Variants in EDA observed in about 807,000 individuals in gnomAD.
EDA encodes the protein ectodysplasin A.
EDA carries 2 observed loss-of-function variants against 23.6 expected under a neutral mutation model. The ratio of observed to expected loss-of-function variants is 0.08; its 90% CI spans 0.03 to 0.27. EDA has a LOEUF of 0.27. Ranked by LOEUF, EDA falls within the 10% of genes least tolerant of loss-of-function variation. The probability of loss-of-function intolerance (pLI) is 1.00; values close to 1 mark genes in which losing one functional copy is unlikely to be tolerated. For missense variants in EDA, 229 were observed against 324.2 expected (o/e 0.71, Z 2.26); for synonymous variants, 131 against 132.0 (o/e 0.99, Z 0.05).
Position 69,996,782 on chromosome X carries a change from G to A in EDA, c.503-26436G>A, listed in dbSNP as rs368897865. Among the ~76,000 whole-genome samples the A allele has an allele frequency of 5.8e-4, 65 of 111,699 alleles. No homozygotes were observed. The South Asian group carries it at 0.023, about 39-fold the overall frequency. The stretch of plus-strand genomic sequence containing the variant: ...TCCCACATGTGAGTGGGAGATAACT[G>A]AATCATGGGAGCAGTTTCCCCCATA... On this transcript the variant is annotated intron_variant, in intron 2 of 7. Transcript: ENST00000374552.
chrX:69,780,081 T>C (rs1264174846), intron 1 of EDA, among the ~76,000 whole-genome samples: 1 of 109,714 alleles, frequency 9.1e-6, no homozygotes, highest in Non-Finnish European at 1.9e-5. Context: ...GTTGTATATG[T>C]ATATGTATAC....
intron 1 of EDA, among the ~76,000 whole-genome samples, chrX:69,617,531 C>A (rs1163270054): frequency 1.8e-5 from 2 of 110,775 alleles, no homozygotes; most frequent in South Asian, 3.9e-4. Flanking sequence ...TTTTTGCAAT[C>A]TTTATGGTGT....
intron 1 of EDA, among the ~76,000 whole-genome samples, chrX:69,874,402 A>G (rs1272273068): frequency 8.9e-6 from 1 of 112,442 alleles, no homozygotes; most frequent in Admixed American, 9.4e-5. Flanking sequence ...TCACACGATC[A>G]TCTCAATAGA....
At chrX:69,654,217 C>G (rs1251645914) in intron 1 of EDA, among the ~76,000 whole-genome samples, 9 of 111,920 alleles carry the variant, frequency 8.0e-5, no homozygotes, top group African/African-American at 2.9e-4. Flanking sequence ...CACTGGCCAT[C>G]AGAGAAATGC....
intron 1 of EDA, among the ~76,000 whole-genome samples, chrX:69,715,095 CTTTTA>C (rs2012271963): frequency 4.4e-5 from 3 of 68,132 alleles, no homozygotes; most frequent in African/African-American, 1.6e-4. Context: ...CTTTTTGTAA[CTTTTA>C]TTTTAGGTTC....
intron 1 of EDA, among the ~76,000 whole-genome samples, chrX:69,664,732 TTTAAG>T (rs1208770522): frequency 3.6e-5 from 4 of 111,614 alleles, no homozygotes; most frequent in African/African-American, 6.5e-5. Context: ...TTGATGAACA[TTTAAG>T]TTGTTTCCAT....
chrX:69,735,830 A>T (rs1263120248), intron 1 of EDA, among the ~76,000 whole-genome samples: 1 of 111,499 alleles, frequency 9.0e-6, no homozygotes, highest in African/African-American at 3.3e-5. Context: ...AAGCTGCTGG[A>T]AAAAACAGAA....
chrX:69,720,025 G>A (rs758393868), intron 1 of EDA, among the ~76,000 whole-genome samples: 47 of 111,247 alleles, frequency 4.2e-4, no homozygotes, highest in Non-Finnish European at 7.9e-4. Context: ...AGGGATTACA[G>A]GTGTGAGCCA....
At chrX:69,730,081 C>T (rs2012964044) in intron 1 of EDA, among the ~76,000 whole-genome samples, 2 of 111,201 alleles carry the variant, frequency 1.8e-5, no homozygotes, top group Admixed American at 1.9e-4. Flanking sequence ...CCAGGCCAGT[C>T]TCGAGCTCCT....
intron 1 of EDA, among the ~76,000 whole-genome samples, chrX:69,758,638 A>G (rs2014200358): frequency 8.9e-6 from 1 of 112,165 alleles, no homozygotes; most frequent in Non-Finnish European, 1.9e-5. Flanking sequence ...GTTCAAGACC[A>G]GTCTGGCCAA....
In EDA at chrX:69,760,197, CAAA is replaced by C. The variant is rs1162014486; in HGVS notation, c.396+143513_396+143515del. Among the ~76,000 whole-genome samples, 13 of 46,548 alleles carry C rather than the reference CAAA, an allele frequency of 2.8e-4. No individual in the cohort carries two copies. The East Asian group carries it at 3.1e-3, about 11-fold the overall frequency. 40.4% of individuals were successfully genotyped at this position (46,548 alleles called of 115,157 possible). On this transcript the variant is annotated intron_variant, in intron 1 of 7. Coordinates refer to ENST00000374552, the MANE Select transcript of EDA (RefSeq NM_001399.5). ...GGGGTTTTATAAAAGCTCTTTTGTA[CAAA>C]AAAAAAAAAAAAAAAAAAAGCAAAG... is the stretch of plus-strand genomic sequence containing the variant.
rs1018857291 is a variant in EDA at position 69,978,547 on chromosome X, C to T, written c.502+21415C>T. ...AAAGAAAGAAAAAAAGCAGCTTTCTCGAGATATAATTCACATATCATACAC... is the reference window on the plus strand; with the variant it reads ...AAAGAAAGAAAAAAAGCAGCTTTCTTGAGATATAATTCACATATCATACAC... On this transcript the variant is annotated intron_variant, in intron 2 of 7. Coordinates refer to ENST00000374552, the MANE Select transcript of EDA (RefSeq NM_001399.5). Among the ~76,000 whole-genome samples the T allele has an allele frequency of 5.6e-5, 6 of 107,379 alleles. No homozygotes were observed. The South Asian group carries it at 1.6e-3, about 29-fold the overall frequency. 93.2% of individuals were successfully genotyped at this position (107,379 alleles called of 115,157 possible).
chrX:69,709,697 G>A (rs902879614), intron 1 of EDA, among the ~76,000 whole-genome samples: 11 of 111,420 alleles, frequency 9.9e-5, no homozygotes, highest in Admixed American at 1.9e-4. Context: ...TAAAGAGGGG[G>A]CATCTCAGGC....
intron 1 of EDA, among the ~76,000 whole-genome samples, chrX:69,686,626 A>T (rs1046631829): frequency 9.0e-6 from 1 of 111,160 alleles, no homozygotes; most frequent in African/African-American, 3.3e-5. Context: ...GGAATCATAT[A>T]TCTACTTTCT....
intron 1 of EDA, among the ~76,000 whole-genome samples, chrX:69,953,182 T>A (rs1328030884): frequency 8.9e-6 from 1 of 112,211 alleles, no homozygotes; most frequent in African/African-American, 3.2e-5. Flanking sequence ...GTCTTATTAG[T>A]TTTAACTAAA....
At chrX:69,973,605 T>A (rs1472926794) in intron 2 of EDA, among the ~76,000 whole-genome samples, 8 of 111,757 alleles carry the variant, frequency 7.2e-5, no homozygotes, top group African/African-American at 2.6e-4. Context: ...GTTGTCCCAG[T>A]TGGATGAGAA....
intron 1 of EDA, among the ~76,000 whole-genome samples, chrX:69,679,402 A>C (rs1193125250): frequency 1.8e-5 from 2 of 111,026 alleles, no homozygotes; most frequent in Non-Finnish European, 3.8e-5. Flanking sequence ...GAATGGTACG[A>C]GTTCCTCCTC....
At chrX:69,653,151 A>C (rs1206787836) in intron 1 of EDA, among the ~76,000 whole-genome samples, 1 of 111,484 alleles carries the variant, frequency 9.0e-6, no homozygotes, top group Non-Finnish European at 1.9e-5. Flanking sequence ...CTTTTATTTC[A>C]TTGAGCAGTG....
At chrX:69,634,709 A>G (rs767317141) in intron 1 of EDA, among the ~76,000 whole-genome samples, 1 of 110,564 alleles carries the variant, frequency 9.0e-6, no homozygotes, top group Non-Finnish European at 1.9e-5. Flanking sequence ...TTCCTTCCCA[A>G]GTTCTTTTAG....
Sources: allele counts gnomAD v4.1 joint callset (sites outside exome capture counted in the v4.1 genomes callset), GRCh38; gene constraint gnomAD v4.1.1; transcripts MANE v1.5; gene names NCBI Gene and HGNC (gene_info 2026-07-23, HGNC 2026-07-21).